The following SH3RF2 variants were observed in gnomAD, a reference collection of about 807,000 sequenced individuals.
SH3RF2 encodes E3 ubiquitin-protein ligase SH3RF2.
SH3RF2 carries 43 observed loss-of-function variants against 59.0 expected under a neutral mutation model. The ratio of observed to expected loss-of-function variants is 0.73; its 90% CI spans 0.57 to 0.94. The LOEUF (loss-of-function observed/expected upper bound fraction) is 0.94. Ranked by LOEUF, SH3RF2 falls within the 40% of genes least tolerant of loss-of-function variation. The probability of loss-of-function intolerance (pLI) is 0.00; values close to 1 mark genes in which losing one functional copy is unlikely to be tolerated. For synonymous variants in SH3RF2, 391 were observed against 391.5 expected, an observed-to-expected ratio of 1.00 and a Z score of 0.01; for missense variants, 930 against 940.1, an observed-to-expected ratio of 0.99 and a Z score of 0.14.
intron 2 of SH3RF2, among the ~76,000 whole-genome samples, chr5:145,940,537 G>A (rs982209554): frequency 2.0e-5 from 3 of 152,148 alleles, no homozygotes; most frequent in African/African-American, 7.2e-5. Flanking sequence ...TACATCCTCG[G>A]TCAAATCCTC....
intron 2 of SH3RF2, among the ~76,000 whole-genome samples, chr5:145,975,773 C>A (rs1365030453): frequency 6.6e-6 from 1 of 152,268 alleles, no homozygotes; most frequent in East Asian, 1.9e-4. Context: ...CATTCCCCTA[C>A]TGGGGCAGTG....
rs1365198438 is a variant in SH3RF2 at position 146,063,047 on chromosome 5, G to A, written c.*346G>A. 3 of 265,874 alleles carry A rather than the reference G, an allele frequency of 1.1e-5. No individual in the cohort carries two copies. The highest frequency in any genetic ancestry group is 1.3e-4 in the South Asian group (2 of 15,582). 16.5% of individuals were successfully genotyped at this position (265,874 alleles called of 1,614,324 possible). A position where few individuals can be genotyped will look rare whatever the true frequency, so the allele number is the denominator to read the frequency against. On this transcript the variant is annotated 3_prime_UTR_variant, in exon 10 of 10. Coordinates refer to ENST00000359120, the MANE Select transcript of SH3RF2 (RefSeq NM_152550.4). The stretch of plus-strand genomic sequence containing the variant: ...GTAGAATTTCTATGGTGTCCTAAAG[G>A]GGGCTGCAGCAGGGGTGTGACAACG...
At chr5:145,998,136 T>C (rs573202212) in intron 2 of SH3RF2, 94 of 452,474 alleles carry the variant, frequency 2.1e-4, no homozygotes, top group African/African-American at 1.7e-3. Context: ...GTTTTTCCCT[T>C]ACCTCTCCAA....
chr5:146,042,853 C>G (rs1004763393), intron 5 of SH3RF2, among the ~76,000 whole-genome samples: 1 of 152,190 alleles, frequency 6.6e-6, no homozygotes, highest in Non-Finnish European at 1.5e-5. Context: ...CAAGAATGCC[C>G]TTCCCCACCA....
downstream of SH3RF2, among the ~76,000 whole-genome samples, chr5:146,064,586 GGAGA>G (rs70998047): frequency 0.011 from 472 of 41,432 alleles, 20 homozygotes; most frequent in African/African-American, 0.052. Context: ...GAAGGAAGGG[GGAGA>G]GAGAGAGAGA....
intron 5 of SH3RF2, among the ~76,000 whole-genome samples, chr5:146,029,780 G>A (rs1761677470): frequency 6.6e-6 from 1 of 152,170 alleles, no homozygotes; most frequent in African/African-American, 2.4e-5. Context: ...ATAAATGACA[G>A]TGTGTTAAGA....
chr5:145,978,886 G>T (rs1215989826), intron 2 of SH3RF2, among the ~76,000 whole-genome samples: 1 of 152,112 alleles, frequency 6.6e-6, no homozygotes, highest in Non-Finnish European at 1.5e-5. Context: ...CCTGCTGTGT[G>T]TGGGGAGAGG....
chr5:145,940,799 A>C (rs1394001466), intron 2 of SH3RF2, among the ~76,000 whole-genome samples: 2 of 152,206 alleles, frequency 1.3e-5, no homozygotes, highest in Non-Finnish European at 2.9e-5. Context: ...TCATGTATAA[A>C]AACAGACAGC....
chr5:145,945,549 T>C (rs1031094884), intron 2 of SH3RF2, among the ~76,000 whole-genome samples: 1 of 152,006 alleles, frequency 6.6e-6, no homozygotes, highest in Non-Finnish European at 1.5e-5. Context: ...AACAAAAAGA[T>C]GTTTTAAAAG....
chr5:146,023,213 C>G (rs903328370), intron 5 of SH3RF2, among the ~76,000 whole-genome samples: 1 of 151,292 alleles, frequency 6.6e-6, no homozygotes, highest in Non-Finnish European at 1.5e-5. Context: ...TTTCTTTTTT[C>G]TTTTTTCTTT....
chr5:146,050,499 C>G (rs1762459404), intron 7 of SH3RF2, among the ~76,000 whole-genome samples: 1 of 152,166 alleles, frequency 6.6e-6, no homozygotes, highest in Non-Finnish European at 1.5e-5. Context: ...GATAAAAGAT[C>G]ATAGCTTTTC....
At chr5:145,987,174 C>G (rs1302791542) in intron 2 of SH3RF2, among the ~76,000 whole-genome samples, 2 of 152,152 alleles carry the variant, frequency 1.3e-5, no homozygotes, top group Non-Finnish European at 2.9e-5. Context: ...AATGAGAAAA[C>G]AGGAAAATAT....
At chr5:145,959,888 A>G (rs1177954706) in intron 2 of SH3RF2, among the ~76,000 whole-genome samples, 1 of 152,004 alleles carries the variant, frequency 6.6e-6, no homozygotes, top group Non-Finnish European at 1.5e-5. Context: ...GGTGGAGAGG[A>G]GTCTTCCCAG....
intron 2 of SH3RF2, among the ~76,000 whole-genome samples, chr5:145,992,808 G>C (rs986528440): frequency 6.6e-6 from 1 of 152,142 alleles, no homozygotes; most frequent in Non-Finnish European, 1.5e-5. Flanking sequence ...AGATCTGGGC[G>C]GGGACAGAGC....
rs868506116 is a variant in SH3RF2, at chr5:145,963,938, T to C, written c.378+25632T>C. Among the ~76,000 whole-genome samples the C allele has an allele frequency of 2.0e-5, 3 of 150,930 alleles. No homozygotes were observed. The South Asian group carries it at 6.5e-4, about 33-fold the overall frequency. The stretch of plus-strand genomic sequence containing the variant: ...AACTCCGCCTCCCGGATTCACGCCA[T>C]TCTCCTGCCTCAGCCTCCCCAGTAG... On this transcript the variant is annotated intron_variant, in intron 2 of 9. Transcript: ENST00000359120.
chr5:146,024,182 T>C (rs1422570311), intron 5 of SH3RF2, among the ~76,000 whole-genome samples: 1 of 152,234 alleles, frequency 6.6e-6, no homozygotes, highest in Non-Finnish European at 1.5e-5. Context: ...ATTGCACCAT[T>C]GTACATTCCC....
intron 9 of SH3RF2, among the ~76,000 whole-genome samples, chr5:146,071,843 AG>A (rs1204585861): frequency 6.6e-6 from 1 of 152,254 alleles, no homozygotes; most frequent in Non-Finnish European, 1.5e-5. Flanking sequence ...AGTTCTCAGC[AG>A]GATTTAGCAA....
chr5:146,003,917 C>A, intron 3 of SH3RF2, 141 bp from the exon 4 acceptor site: 1 of 540,096 alleles, frequency 1.9e-6, no homozygotes, highest in Non-Finnish European at 3.1e-6. Flanking sequence ...TTCATTTTAG[C>A]AAAAAGACTT....
chr5:145,997,820 C>G (rs542421644), intron 2 of SH3RF2: 4 of 1,471,278 alleles, frequency 2.7e-6, no homozygotes, highest in African/African-American at 2.8e-5. Flanking sequence ...GATCCCCCGC[C>G]GAAATAGAAG....
Sources: allele counts gnomAD v4.1 joint callset (sites outside exome capture counted in the v4.1 genomes callset), GRCh38; gene constraint gnomAD v4.1.1; transcripts MANE v1.5; gene names NCBI Gene and HGNC (gene_info 2026-07-23, HGNC 2026-07-21).